TEAD1: variants seen among roughly 807,000 people sequenced by gnomAD.
TEAD1 encodes TEA domain transcription factor 1, also known as transcriptional enhancer factor TEF-1.
A neutral mutation model predicts 54.9 loss-of-function variants in TEAD1; 9 were observed. The observed-to-expected ratio is 0.16, with a 90% CI of 0.10 to 0.29. The LOEUF is 0.29. TEAD1 is among the 10% of genes least tolerant of loss of function. TEAD1 has a pLI of 1.00. For synonymous variants in TEAD1, 200 were observed against 187.8 expected (o/e 1.07, Z -0.53); for missense variants, 387 against 535.9 (o/e 0.72, Z 2.74).
At chr11:12,695,091 G>C (rs892555352) in intron 2 of TEAD1, among the ~76,000 whole-genome samples, 1 of 152,248 alleles carries the variant, frequency 6.6e-6, no homozygotes, top group Non-Finnish European at 1.5e-5. Flanking sequence ...CTAATTCAGC[G>C]CACAGCCAGG....
intron 9 of TEAD1, among the ~76,000 whole-genome samples, chr11:12,898,595 G>A (rs951605353): frequency 4.6e-5 from 7 of 151,578 alleles, no homozygotes; most frequent in East Asian, 2.0e-4. Flanking sequence ...GGGTTTCTCC[G>A]TGTTGGCCAG....
intron 3 of TEAD1, among the ~76,000 whole-genome samples, chr11:12,846,188 G>C (rs922987402): frequency 6.6e-6 from 1 of 152,200 alleles, no homozygotes; most frequent in African/African-American, 2.4e-5. Flanking sequence ...CACATGACCT[G>C]CTGCAGGAAG....
At chr11:12,713,472 T>C (rs1451661457) in intron 2 of TEAD1, among the ~76,000 whole-genome samples, 1 of 152,240 alleles carries the variant, frequency 6.6e-6, no homozygotes, top group African/African-American at 2.4e-5. Context: ...CTAAACATTG[T>C]ATTAGTTTGT....
chr11:12,735,058 A>G (rs1018961623), intron 2 of TEAD1, among the ~76,000 whole-genome samples: 25 of 152,142 alleles, frequency 1.6e-4, no homozygotes, highest in Non-Finnish European at 5.9e-5. Context: ...TAAAATGGGG[A>G]TGTGGGGAAA....
chr11:12,711,594 G>A (rs1943940395), intron 2 of TEAD1, among the ~76,000 whole-genome samples: 2 of 152,136 alleles, frequency 1.3e-5, no homozygotes, highest in Admixed American at 6.5e-5. Context: ...GTCCTTTCAT[G>A]TTCCCTCCCC....
chr11:12,900,783 G>T (rs528378486), intron 9 of TEAD1, among the ~76,000 whole-genome samples: 4 of 152,252 alleles, frequency 2.6e-5, no homozygotes, highest in South Asian at 2.1e-4. Flanking sequence ...GACAGTAGTT[G>T]GAGAATTGCC....
chr11:12,899,930 G>A (rs1948392796), intron 9 of TEAD1, among the ~76,000 whole-genome samples: 1 of 152,240 alleles, frequency 6.6e-6, no homozygotes, highest in Non-Finnish European at 1.5e-5. Context: ...TTTTGGCATG[G>A]TGGCCAGAGA....
At chr11:12,742,419 T>A (rs1203600523) in intron 2 of TEAD1, among the ~76,000 whole-genome samples, 2 of 152,176 alleles carry the variant, frequency 1.3e-5, no homozygotes. Flanking sequence ...GAATGGTGGT[T>A]ACCAGAGGTT....
intron 12 of TEAD1, among the ~76,000 whole-genome samples, chr11:12,932,024 C>CATGCTAGTTGT (rs1161987965): frequency 6.6e-6 from 1 of 152,202 alleles, no homozygotes; most frequent in Non-Finnish European, 1.5e-5. Flanking sequence ...TTTATAGACA[C>CATGCTAGTTGT]ATGATTGGCA....
chr11:12,800,482 C>T (rs1256985508), intron 3 of TEAD1, among the ~76,000 whole-genome samples: 1 of 152,148 alleles, frequency 6.6e-6, no homozygotes, highest in Non-Finnish European at 1.5e-5. Context: ...TGACAGGAAA[C>T]ACAGCGATGG....
chr11:12,929,369 TG>T lies in TEAD1; in HGVS notation c.1015-804del, dbSNP rs1482071117. ...TCTGCATTTTAAATTTCTATTTCAT[TG>T]ATTTGAGCTTTTATCTTTATTAATT... On this transcript the variant is annotated intron_variant, in intron 11 of 12. Transcript: ENST00000527636. Among the ~76,000 whole-genome samples the T allele has an allele frequency of 2.6e-5, 4 of 152,064 alleles. No homozygotes were observed. In the East Asian group the frequency reaches 7.7e-4, roughly 29 times the overall value.
chr11:12,941,868 C>G lies in TEAD1; in HGVS notation c.*4646C>G, dbSNP rs753524777. On this transcript the variant is annotated 3_prime_UTR_variant, in exon 13 of 13. Coordinates refer to ENST00000527636, the MANE Select transcript of TEAD1 (RefSeq NM_021961.6). ...CAATTCAGAGCTGCCAAAGTGTTCC[C>G]GTAAGCAGTGCCTTAGTAATACCTT... 6.6e-6 allele frequency: 1 copy of G among 152,596 alleles called. No homozygotes were observed. The highest frequency in any genetic ancestry group is 2.4e-5 in the African/African-American group (1 of 41,440). The allele number at this position is 152,596 out of a possible 1,614,324, so 9.5% of individuals were successfully genotyped here. A position where few individuals can be genotyped will look rare whatever the true frequency, so the allele number is the denominator to read the frequency against.
intron 2 of TEAD1, among the ~76,000 whole-genome samples, chr11:12,753,954 A>T (rs367605103): frequency 3.9e-5 from 6 of 152,144 alleles, no homozygotes; most frequent in East Asian, 1.9e-4. Flanking sequence ...TCGTATGGCT[A>T]TCAATCAACC....
At chr11:12,834,413 T>C (rs1432752285) in intron 3 of TEAD1, among the ~76,000 whole-genome samples, 1 of 152,238 alleles carries the variant, frequency 6.6e-6, no homozygotes, top group African/African-American at 2.4e-5. Flanking sequence ...ATCCCAGTGC[T>C]ACCATTTATT....
At chr11:12,721,534 CT>C (rs1233446962) in intron 2 of TEAD1, among the ~76,000 whole-genome samples, 1 of 152,158 alleles carries the variant, frequency 6.6e-6, no homozygotes, top group East Asian at 1.9e-4. Flanking sequence ...AAAATAAATG[CT>C]GTATATAGTT....
Position 12,865,410 on chromosome 11 carries a change from C to G in TEAD1, c.330+510C>G, listed in dbSNP as rs778179443. ...TTAAGAAGACTTATAAAAAATACGT[C>G]TTTTTCATGCATGTCTCTTCCCTCA... On this transcript the variant is annotated intron_variant, in intron 5 of 12. Transcript: ENST00000527636. 5 of 161,274 alleles carry G rather than the reference C, an allele frequency of 3.1e-5. No individual in the cohort carries two copies. The South Asian group carries it at 6.5e-4, about 21-fold the overall frequency. The allele number at this position is 161,274 out of a possible 1,614,324, so 10.0% of individuals were successfully genotyped here.
At chr11:12,908,891 T>TTTTTTTTTTTTTTTC (rs1948569741) in intron 10 of TEAD1, among the ~76,000 whole-genome samples, 1 of 151,336 alleles carries the variant, frequency 6.6e-6, no homozygotes, top group Admixed American at 6.6e-5. Context: ...CTGTTTTTTT[T>TTTTTTTTTTTTTTTC]TTTTTGAGAC....
intron 5 of TEAD1, among the ~76,000 whole-genome samples, chr11:12,867,211 T>A (rs1176580312): frequency 2.0e-5 from 3 of 152,150 alleles, no homozygotes; most frequent in African/African-American, 7.2e-5. Flanking sequence ...GATAAAATTT[T>A]ATCTAGTGAA....
intron 2 of TEAD1, among the ~76,000 whole-genome samples, chr11:12,701,968 A>G (rs1392500400): frequency 2.0e-5 from 3 of 152,354 alleles, no homozygotes; most frequent in Non-Finnish European, 4.4e-5. Flanking sequence ...AAACTGATGC[A>G]GAGCTGCCTG....
Sources: allele counts gnomAD v4.1 joint callset (sites outside exome capture counted in the v4.1 genomes callset), GRCh38; gene constraint gnomAD v4.1.1; transcripts MANE v1.5; gene names NCBI Gene and HGNC (gene_info 2026-07-23, HGNC 2026-07-21).